The following UQCRH variants were observed in gnomAD, a reference collection of about 807,000 sequenced individuals.
The protein encoded by UQCRH is ubiquinol-cytochrome c reductase hinge protein, also known as cytochrome b-c1 complex subunit 6, mitochondrial.
Under a neutral mutation model 16.3 loss-of-function variants are expected in UQCRH, and 14 were observed. The ratio of observed to expected loss-of-function variants is 0.86; its 90% CI spans 0.57 to 1.34. The LOEUF (loss-of-function observed/expected upper bound fraction) is 1.34, where lower values mean the gene tolerates loss of function less well. UQCRH is among the 40% of genes most tolerant of loss of function. The pLI is 0.00. For missense variants in UQCRH, 89 were observed against 111.9 expected (o/e 0.80, Z 0.92); for synonymous variants, 41 against 41.9 (o/e 0.98, Z 0.08).
At position 46,309,820 on chromosome 1, in the gene UQCRH, T is replaced by C. The variant is rs997365024; in HGVS notation, c.82-335T>C. The C allele has an allele frequency of 5.6e-6, 7 of 1,244,012 alleles. No homozygotes were observed. The African/African-American group carries it at 1.1e-4, about 19-fold the overall frequency. 77.1% of individuals were successfully genotyped at this position (1,244,012 alleles called of 1,614,324 possible). A position where few individuals can be genotyped will look rare whatever the true frequency, so the allele number is the denominator to read the frequency against. On this transcript the variant is annotated intron_variant, in intron 2 of 3. Coordinates refer to ENST00000311672, the MANE Select transcript of UQCRH (RefSeq NM_006004.4). ...GTTTCAGACGTGTCATATTCCAAAA[T>C]GCTGTGTTAACAAGTAAGGCCTCCT...
rs755039048 is a variant in UQCRH at position 46,310,254 on chromosome 1, T to G, written c.181T>G (p.Ser61Ala). 5.6e-6 allele frequency: 9 copies of G among 1,614,178 alleles called. No individual in the cohort carries two copies. In the South Asian group the frequency reaches 7.7e-5, roughly 14 times the overall value. ...ELCDERVSSR[S>A]HTEEDCTEEL... ...CTGTGATGAGCGTGTATCCTCTCGATCACATACAGAAGAGGATTGCACGGA... is the reference window on the plus strand; with the variant it reads ...CTGTGATGAGCGTGTATCCTCTCGAGCACATACAGAAGAGGATTGCACGGA... The change falls in exon 3 of 4, where the codon TCA becomes GCA. Residue 61 changes from serine to alanine, a missense_variant. By Grantham distance (99) the Ser-to-Ala change is moderately conservative. Coordinates refer to ENST00000311672, the MANE Select transcript of UQCRH (RefSeq NM_006004.4).
intron 1 of UQCRH, among the ~76,000 whole-genome samples, chr1:46,305,619 C>T (rs962450008): frequency 1.3e-5 from 2 of 151,586 alleles, no homozygotes; most frequent in African/African-American, 2.4e-5. Flanking sequence ...CCGGGCGTGG[C>T]GGCGGGCGCC....
intron 3 of UQCRH, 145 bp from the exon 4 acceptor site, chr1:46,316,407 G>A: frequency 9.9e-7 from 1 of 1,011,550 alleles, no homozygotes; most frequent in Non-Finnish European, 1.5e-6. Context: ...AAAGTGGGGA[G>A]TTCACTAGGA....
chr1:46,303,892 C>T (rs991748563), intron 1 of UQCRH, 72 bp downstream of exon 1: 2 of 1,602,386 alleles, frequency 1.2e-6, no homozygotes, highest in South Asian at 1.1e-5. Context: ...AAAACACGCA[C>T]GGGGCCCTCT....
At chr1:46,304,735 A>G (rs1217716863) in intron 1 of UQCRH, among the ~76,000 whole-genome samples, 1 of 152,142 alleles carries the variant, frequency 6.6e-6, no homozygotes, top group African/African-American at 2.4e-5. Context: ...GTTGGGTACT[A>G]TTAGTGCCAT....
chr1:46,316,644 G>T lies in UQCRH; in HGVS notation c.*60G>T. ...CTGGGCATCAGAATATTTCCTTATG[G>T]TTTTGGATGTACCATTTGTTTCTTA... On this transcript the variant is annotated 3_prime_UTR_variant, in exon 4 of 4. Transcript: ENST00000311672. The T allele has an allele frequency of 6.2e-7, 1 of 1,604,936 alleles. No homozygotes were observed. Among genetic ancestry groups the T allele is most frequent in the Non-Finnish European group, 8.5e-7 (1 of 1,177,120 alleles).
chr1:46,315,037 T>C (rs767474453), intron 3 of UQCRH, among the ~76,000 whole-genome samples: 4 of 152,090 alleles, frequency 2.6e-5, no homozygotes, highest in Admixed American at 1.3e-4. Context: ...CCTTGTGCGG[T>C]GGTTCACACC....
chr1:46,314,629 C>T (rs1288492214), intron 3 of UQCRH, among the ~76,000 whole-genome samples: 1 of 150,000 alleles, frequency 6.7e-6, no homozygotes, highest in South Asian at 2.1e-4. Context: ...GCCAAAGTTG[C>T]GCCATTGCAC....
chr1:46,310,450 G>C, intron 3 of UQCRH, 134 bp downstream of exon 3: 1 of 1,312,380 alleles, frequency 7.6e-7, no homozygotes, highest in Non-Finnish European at 1.1e-6. Flanking sequence ...GGTGCGCTGA[G>C]CATTTTATGT....
intron 3 of UQCRH, among the ~76,000 whole-genome samples, chr1:46,314,289 C>A (rs1490902103): frequency 6.6e-6 from 1 of 150,882 alleles, no homozygotes; most frequent in Admixed American, 6.6e-5. Context: ...TGGCATGAAC[C>A]CGGGAGGCGG....
chr1:46,306,625 G>T (rs1661381794), intron 1 of UQCRH, among the ~76,000 whole-genome samples: 1 of 152,038 alleles, frequency 6.6e-6, no homozygotes. Context: ...TCCTGCCTTG[G>T]CCTCCCAAAG....
intron 2 of UQCRH, 111 bp downstream of exon 2, chr1:46,309,238 G>A (rs535482361): frequency 8.1e-7 from 1 of 1,237,476 alleles, no homozygotes; most frequent in Non-Finnish European, 1.1e-6. Context: ...AGATAATGGG[G>A]GTGGAATAAG....
chr1:46,306,655 A>G lies in UQCRH; in HGVS notation c.55-2446A>G, dbSNP rs372634598. Among the ~76,000 whole-genome samples, 298 of 152,310 alleles carry G rather than the reference A, an allele frequency of 2.0e-3. 3 individuals carry two copies. The highest frequency in any genetic ancestry group is 6.7e-3 in the African/African-American group (279 of 41,564). On this transcript the variant is annotated intron_variant, in intron 1 of 3. Coordinates refer to ENST00000311672, the MANE Select transcript of UQCRH (RefSeq NM_006004.4). ...CCAAAGTGCTGGGATTACAGACATG[A>G]GCCACTGCACCCGGCTTTCAGTATG...
chr1:46,307,333 C>G (rs895753155), intron 1 of UQCRH, among the ~76,000 whole-genome samples: 15 of 152,180 alleles, frequency 9.9e-5, no homozygotes, highest in African/African-American at 3.6e-4. Context: ...GTGTGAACCA[C>G]TATGCCCAGC....
chr1:46,309,938 G>GC, intron 2 of UQCRH: 1 of 1,439,686 alleles, frequency 6.9e-7, no homozygotes, highest in Non-Finnish European at 9.1e-7. Context: ...ACCTTGGAAG[G>GC]CAGGAATGTG....
intron 3 of UQCRH, among the ~76,000 whole-genome samples, chr1:46,312,265 T>TTTTG (rs973433199): frequency 6.6e-6 from 1 of 151,678 alleles, no homozygotes; most frequent in African/African-American, 2.4e-5. Context: ...CCAGCTAATT[T>TTTTG]TTTGTTTGTT....
chr1:46,308,936 C>T (rs759323413), intron 1 of UQCRH, among the ~76,000 whole-genome samples, 165 bp from the exon 2 acceptor site: 2 of 152,140 alleles, frequency 1.3e-5, no homozygotes, highest in Non-Finnish European at 2.9e-5. Context: ...AGGATTAGCT[C>T]CAGGATTAGC....
intron 3 of UQCRH, 73 bp from the exon 4 acceptor site, chr1:46,316,479 G>A (rs912646915): frequency 1.9e-6 from 3 of 1,602,682 alleles, no homozygotes; most frequent in Non-Finnish European, 2.6e-6. Context: ...TACTGTTTCA[G>A]GTCTTGAAGG....
At chr1:46,311,736 G>T (rs1233710560) in intron 3 of UQCRH, among the ~76,000 whole-genome samples, 2 of 147,868 alleles carry the variant, frequency 1.4e-5, no homozygotes, top group African/African-American at 2.5e-5. Context: ...GGGACCGCAG[G>T]CGCCCGCCAC....
Sources: gnomAD v4.1 joint callset for allele counts (sites outside exome capture counted in the v4.1 genomes callset) on GRCh38, gnomAD v4.1.1 for gene constraint, MANE v1.5 for transcripts, NCBI Gene and HGNC (gene_info 2026-07-23, HGNC 2026-07-21) for gene names.